The following FRRS1 variants were observed in gnomAD, a reference collection of about 807,000 sequenced individuals.
The protein encoded by FRRS1 is ferric chelate reductase 1.
A neutral mutation model predicts 70.7 loss-of-function variants in FRRS1; 51 were observed. The observed-to-expected ratio is 0.72, with a 90% CI of 0.58 to 0.91. FRRS1 has a LOEUF of 0.91. Ranked by LOEUF, FRRS1 falls within the 40% of genes least tolerant of loss-of-function variation. FRRS1 has a pLI of 0.00. For missense variants in FRRS1, 672 were observed against 726.0 expected (o/e 0.93, Z 0.86); for synonymous variants, 225 against 238.7 (o/e 0.94, Z 0.53).
chr1:99,752,412 G>T (rs578003882), intron 1 of FRRS1, among the ~76,000 whole-genome samples: 42 of 152,248 alleles, frequency 2.8e-4, no homozygotes, highest in African/African-American at 9.6e-4. Context: ...TTTCAATATT[G>T]TTGTGCCTCA....
rs1656000299 is a variant in FRRS1, at chr1:99,742,221, T to C, written c.386A>G (p.Tyr129Cys). The change falls in exon 5 of 17, where the codon TAC becomes TGC. Residue 129 changes from tyrosine to cysteine, a missense_variant. Tyr to Cys is a radical substitution (Grantham distance 194). Coordinates refer to ENST00000646001, the MANE Select transcript of FRRS1 (RefSeq NM_001361041.2). Reference protein sequence around the residue: ...SASKKTEIKVYWNAPSSAPNH... With the variant: ...SASKKTEIKVCWNAPSSAPNH... Reference sequence around the variant, plus strand: ...TGGAGCACTGCTTGGAGCATTCCAGTAGACTTTAATTTCTGTTTTTTTAGA... The same window carrying C: ...TGGAGCACTGCTTGGAGCATTCCAGCAGACTTTAATTTCTGTTTTTTTAGA... 1.2e-6 allele frequency: 2 copies of C among 1,612,362 alleles called. No homozygotes were observed. The highest frequency in any genetic ancestry group is 1.1e-5 in the South Asian group (1 of 91,042).
chr1:99,745,411 C>T (rs1020916987), intron 4 of FRRS1, among the ~76,000 whole-genome samples: 5 of 152,146 alleles, frequency 3.3e-5, no homozygotes, highest in Admixed American at 1.3e-4. Flanking sequence ...TTGGCCGGCA[C>T]GGTGGGTCAT....
At chr1:99,722,795 T>A (rs1654901308) in intron 9 of FRRS1, among the ~76,000 whole-genome samples, 1 of 152,142 alleles carries the variant, frequency 6.6e-6, no homozygotes, top group African/African-American at 2.4e-5. Context: ...ACCACAAAAA[T>A]TCTTGCCACC....
At position 99,747,331 on chromosome 1, in the gene FRRS1, C is replaced by G; in HGVS notation, c.296G>C (p.Ser99Thr). ...PPIGSFTLID[S>T]EVSQLLTCED... is the part of the protein sequence containing the mutation. ...ACAGGTCAAAAGTTGTGACACTTCACTGTCAATCAATGTGAAGGAGCCAAT... is the reference window on the plus strand; with the variant it reads ...ACAGGTCAAAAGTTGTGACACTTCAGTGTCAATCAATGTGAAGGAGCCAAT... The change falls in exon 4 of 17, where the codon AGT becomes ACT. Residue 99 changes from serine (S) to threonine (T), a missense_variant. Transcript: ENST00000646001. 1 of 1,613,938 alleles carries G rather than the reference C, an allele frequency of 6.2e-7. No individual in the cohort carries two copies. The highest frequency in any genetic ancestry group is 8.5e-7 in the Non-Finnish European group (1 of 1,179,876).
chr1:99,738,161 G>A lies in FRRS1; in HGVS notation c.684C>T (p.Asp228=). The A allele has an allele frequency of 6.2e-7, 1 of 1,613,884 alleles. No individual in the cohort carries two copies. The highest frequency in any genetic ancestry group is 8.5e-7 in the Non-Finnish European group (1 of 1,179,788). Residue 228 remains aspartate (D), a synonymous_variant, in exon 7 of 17, where the codon GAC becomes GAT. Transcript: ENST00000646001. The part of the protein sequence containing the change: ...SCVFLSFTRD[D]QSVMVEMSGP... ...CGCTCATTTCAACCATCACCGATTG[G>A]TCATCTCTTGTGAAGGACAAGAAGA...
At position 99,740,970 on chromosome 1, in the gene FRRS1, C is replaced by T. The variant is rs148648931; in HGVS notation, c.429-30G>A. Reference sequence around the variant, plus strand: ...AATGCAATACCAGTGAGATTAGAACCCTAATTGTGTCCTGTCACAATCAGA... The same window carrying T: ...AATGCAATACCAGTGAGATTAGAACTCTAATTGTGTCCTGTCACAATCAGA... On this transcript the variant is annotated intron_variant, in intron 5 of 16. Coordinates refer to ENST00000646001, the MANE Select transcript of FRRS1 (RefSeq NM_001361041.2). 1.6e-5 allele frequency: 26 copies of T among 1,599,820 alleles called. No homozygotes were observed. The Middle Eastern group carries it at 1.2e-3, about 71-fold the overall frequency.
At chr1:99,711,004 T>C (rs1346692463) in intron 14 of FRRS1, 55 bp from the exon 15 acceptor site, 3 of 1,475,228 alleles carry the variant, frequency 2.0e-6, no homozygotes, top group African/African-American at 1.4e-5. Context: ...AGAGAGACAA[T>C]TGTGTGTTTG....
chr1:99,711,820 GGC>G (rs1278970629), intron 14 of FRRS1, among the ~76,000 whole-genome samples: 2 of 152,100 alleles, frequency 1.3e-5, no homozygotes, highest in Admixed American at 1.3e-4. Flanking sequence ...TCAAATGTTT[GGC>G]CATCAGCATA....
intron 4 of FRRS1, among the ~76,000 whole-genome samples, chr1:99,744,387 G>GAAGC (rs1656132569): frequency 6.6e-6 from 1 of 152,200 alleles, no homozygotes; most frequent in African/African-American, 2.4e-5. Flanking sequence ...GATAACAAGA[G>GAAGC]AAGCAGCTTC....
chr1:99,729,680 C>G lies in FRRS1; in HGVS notation c.828G>C (p.Thr276=). 1 of 1,613,140 alleles carries G rather than the reference C, an allele frequency of 6.2e-7. No individual in the cohort carries two copies. The highest frequency in any genetic ancestry group is 8.5e-7 in the Non-Finnish European group (1 of 1,179,304). The part of the protein sequence containing the change: ...QTVYIQPSHL[T]GRSHPVMDSR... Reference sequence around the variant, plus strand: ...AGTCCATTACAGGGTGACTTCGCCCCGTTAAATGGGAAGGCTGGATGTACA... The same window carrying G: ...AGTCCATTACAGGGTGACTTCGCCCGGTTAAATGGGAAGGCTGGATGTACA... Residue 276 remains threonine (T), a synonymous_variant, in exon 8 of 17, where the codon ACG becomes ACC. Transcript: ENST00000646001.
intron 9 of FRRS1, among the ~76,000 whole-genome samples, chr1:99,721,912 A>AT (rs1240723153): frequency 2.6e-5 from 4 of 152,080 alleles, no homozygotes; most frequent in African/African-American, 7.2e-5. Context: ...ATTCTTTTTA[A>AT]TTAGTCAAAT....
Position 99,738,209 on chromosome 1 carries a change from G to A in FRRS1, c.636C>T (p.Asp212=). The A allele has an allele frequency of 6.2e-7, 1 of 1,613,920 alleles. No individual in the cohort carries two copies. The highest frequency in any genetic ancestry group is 1.1e-5 in the South Asian group (1 of 91,070). The change falls in exon 7 of 17, where the codon GAC becomes GAT. Residue 212 remains aspartate (D), a synonymous_variant. Transcript: ENST00000646001. ...AGACACAGGAAGCCTCCTTCTCTGG[G>A]TCACAGTTCAAAGGACTCCTAATAC... ...KFCIRSPLNC[D]PEKEASCVFL...
At chr1:99,753,646 C>T (rs181244960) in intron 1 of FRRS1, among the ~76,000 whole-genome samples, 11 of 151,984 alleles carry the variant, frequency 7.2e-5, no homozygotes, top group African/African-American at 2.7e-4. Flanking sequence ...CGGGTGGGCA[C>T]CTGTAGTTCC....
At position 99,729,687 on chromosome 1, in the gene FRRS1, T is replaced by C; in HGVS notation, c.821A>G (p.His274Arg). Residue 274 changes from histidine (H) to arginine (R), a missense_variant, in exon 8 of 17, where the codon CAT (histidine) becomes CGT (arginine). By Grantham distance (29) the His-to-Arg change is conservative (BLOSUM62 0). Transcript: ENST00000646001. ...EDQTVYIQPS[H>R]LTGRSHPVMD... Reference sequence around the variant, plus strand: ...TACAGGGTGACTTCGCCCCGTTAAATGGGAAGGCTGGATGTACACAGTCTG... The same window carrying C: ...TACAGGGTGACTTCGCCCCGTTAAACGGGAAGGCTGGATGTACACAGTCTG... The C allele has an allele frequency of 1.9e-6, 3 of 1,613,666 alleles. No individual in the cohort carries two copies. The highest frequency in any genetic ancestry group is 1.7e-6 in the Non-Finnish European group (2 of 1,179,664).
intron 9 of FRRS1, among the ~76,000 whole-genome samples, chr1:99,724,236 C>T (rs1409949914): frequency 6.6e-6 from 1 of 152,182 alleles, no homozygotes; most frequent in African/African-American, 2.4e-5. Flanking sequence ...GGAGTTCATG[C>T]TTAGTGCAAG....
intron 4 of FRRS1, among the ~76,000 whole-genome samples, chr1:99,745,888 C>G (rs7545648): frequency 0.49 from 74,319 of 151,788 alleles, 21,954 homozygotes; most frequent in African/African-American, 0.83. Flanking sequence ...CACCTCCCCC[C>G]CCACTAACTC....
At chr1:99,754,122 CA>C (rs1411841502) in intron 1 of FRRS1, among the ~76,000 whole-genome samples, 1 of 152,006 alleles carries the variant, frequency 6.6e-6, no homozygotes, top group Non-Finnish European at 1.5e-5. Flanking sequence ...ATAAGTGAGG[CA>C]AAAACTATTA....
chr1:99,727,620 A>C (rs746869878), intron 9 of FRRS1, among the ~76,000 whole-genome samples: 5 of 152,188 alleles, frequency 3.3e-5, no homozygotes, highest in Admixed American at 1.3e-4. Context: ...CCTGTATCAC[A>C]TTTCCTGCTC....
intron 1 of FRRS1, among the ~76,000 whole-genome samples, chr1:99,751,351 C>T (rs113312334): frequency 5.9e-5 from 9 of 152,230 alleles, no homozygotes; most frequent in African/African-American, 1.9e-4. Flanking sequence ...GATTTTGAGA[C>T]TTGTGGGCTT....
Sources: gnomAD v4.1 joint callset for allele counts (sites outside exome capture counted in the v4.1 genomes callset) on GRCh38, gnomAD v4.1.1 for gene constraint, MANE v1.5 for transcripts, NCBI Gene and HGNC (gene_info 2026-07-23, HGNC 2026-07-21) for gene names.